ATP2B1: variants seen among roughly 807,000 people sequenced by gnomAD.
ATP2B1 encodes ATPase plasma membrane Ca2+ transporting 1, also known as plasma membrane calcium-transporting ATPase 1.
In ATP2B1, 14 loss-of-function variants were observed where a neutral mutation model predicts 124.2. The ratio of observed to expected loss-of-function variants is 0.11; its 90% CI spans 0.07 to 0.18. The LOEUF (loss-of-function observed/expected upper bound fraction) is 0.18. Among genes scored for constraint, ATP2B1 ranks in the 10% least tolerant of loss-of-function variants. The pLI is 1.00. For synonymous variants in ATP2B1, 449 were observed against 492.4 expected (o/e 0.91, Z 1.17); for missense variants, 763 against 1,466.1 (o/e 0.52, Z 7.83).
intron 1 of ATP2B1, among the ~76,000 whole-genome samples, chr12:89,684,149 G>C (rs1370064211): frequency 6.6e-6 from 1 of 151,988 alleles, no homozygotes; most frequent in African/African-American, 2.4e-5. Context: ...TTTTGGAAAA[G>C]AAACACAGAA....
chr12:89,653,664 A>G (rs2136339680), intron 2 of ATP2B1, among the ~76,000 whole-genome samples: 1 of 152,322 alleles, frequency 6.6e-6, no homozygotes, highest in East Asian at 1.9e-4. Context: ...CATACTGTCA[A>G]AAGGGTACAT....
Position 89,621,741 on chromosome 12 carries a change from G to A in ATP2B1, c.1395C>T (p.Thr465=). The A allele has an allele frequency of 6.2e-7, 1 of 1,604,866 alleles. No individual in the cohort carries two copies. The highest frequency in any genetic ancestry group is 8.5e-7 in the Non-Finnish European group (1 of 1,175,616). ...AACAAATAGCTGTAGCATTTCCCAT[G>A]GTTTCACAAGCATCCAGATGCCTTA... is the stretch of plus-strand genomic sequence containing the variant. The part of the protein sequence containing the change: ...NLVRHLDACE[T]MGNATAICSD... Residue 465 remains threonine (T), a synonymous_variant, in exon 10 of 21, where the codon ACC becomes ACT. Coordinates refer to ENST00000428670, the MANE Select transcript of ATP2B1 (RefSeq NM_001366521.1).
chr12:89,708,880 C>G (rs1312852575), upstream of ATP2B1: 1 of 152,100 alleles, frequency 6.6e-6, no homozygotes, highest in East Asian at 1.9e-4. Context: ...AGGCGGCGCC[C>G]GGCCGTCCCC....
chr12:89,607,599 A>C (rs2135975781), intron 15 of ATP2B1, among the ~76,000 whole-genome samples: 1 of 152,364 alleles, frequency 6.6e-6, no homozygotes, highest in South Asian at 2.1e-4. Context: ...CTTAGGTTTT[A>C]CTACCATAGA....
At position 89,603,981 on chromosome 12, in the gene ATP2B1, T is replaced by C. The variant is rs1876366830; in HGVS notation, c.2635-56A>G. 6.4e-7 allele frequency: 1 copy of C among 1,556,070 alleles called. No homozygotes were observed. Among genetic ancestry groups the C allele is most frequent in the Non-Finnish European group, 8.7e-7 (1 of 1,142,958 alleles). ...CACAACTACTCAGGGGCTCAGCAAT[T>C]CTCAGGAAACCTTTAGGGTTTAAAA... On this transcript the variant is annotated intron_variant, in intron 16 of 20. Coordinates refer to ENST00000428670, the MANE Select transcript of ATP2B1 (RefSeq NM_001366521.1). This position sits in a 1 kb window ranked among gnomAD's most constrained non-coding sequence, Gnocchi z 4.3.
chr12:89,624,367 A>G lies in ATP2B1; in HGVS notation c.1160T>C (p.Ile387Thr). ...GTCAATGACAAAATATAATACTAGA[A>G]TGATAACTGTGATGGCAGACATCAA... is the stretch of plus-strand genomic sequence containing the variant. ...GLLMSAITVIILVLYFVIDTF... is the reference protein window; with the variant it reads ...GLLMSAITVITLVLYFVIDTF... The change falls in exon 9 of 21, where the codon ATT (isoleucine) becomes ACT (threonine). Residue 387 changes from isoleucine (I) to threonine (T), a missense_variant. By Grantham distance (89) the Ile-to-Thr change is moderately conservative. Transcript: ENST00000428670. 6.2e-7 allele frequency: 1 copy of G among 1,614,024 alleles called. No homozygotes were observed. Among genetic ancestry groups the G allele is most frequent in the East Asian group, 2.2e-5 (1 of 44,874 alleles).
At chr12:89,703,276 T>C (rs1333592490) in intron 1 of ATP2B1, among the ~76,000 whole-genome samples, 3 of 152,178 alleles carry the variant, frequency 2.0e-5, no homozygotes, top group Non-Finnish European at 4.4e-5. Context: ...TTAGATAAAA[T>C]AGTTCCAAAA....
intron 1 of ATP2B1, among the ~76,000 whole-genome samples, chr12:89,698,439 T>C (rs970304936): frequency 4.6e-5 from 7 of 152,070 alleles, no homozygotes; most frequent in Non-Finnish European, 7.4e-5. Flanking sequence ...AATTATTCTA[T>C]AGCGACAGAA....
intron 2 of ATP2B1, among the ~76,000 whole-genome samples, chr12:89,651,740 A>T (rs1885281094): frequency 6.6e-6 from 1 of 152,118 alleles, no homozygotes; most frequent in Non-Finnish European, 1.5e-5. Flanking sequence ...TGTGAACTGA[A>T]CTTTTGTAAC....
At chr12:89,686,817 A>G (rs1890020999) in intron 1 of ATP2B1, among the ~76,000 whole-genome samples, 1 of 152,112 alleles carries the variant, frequency 6.6e-6, no homozygotes, top group Admixed American at 6.6e-5. Context: ...AGTGACAATA[A>G]GTGTTATTAC....
At chr12:89,695,058 C>CAAAAAA (rs544087541) in intron 1 of ATP2B1, among the ~76,000 whole-genome samples, 18,480 of 110,940 alleles carry the variant, frequency 0.17, 2,010 homozygotes, top group Middle Eastern at 0.25. Context: ...GATGCTGTTT[C>CAAAAAA]AAAAAAAAAA....
chr12:89,632,648 T>C (rs910230358), intron 5 of ATP2B1, among the ~76,000 whole-genome samples: 4 of 152,098 alleles, frequency 2.6e-5, no homozygotes, highest in African/African-American at 9.7e-5. Flanking sequence ...CTTTTAAAAA[T>C]CTAAACTTAA....
chr12:89,637,531 TAGACCACA>T (rs1882890783), intron 3 of ATP2B1, among the ~76,000 whole-genome samples: 2 of 151,864 alleles, frequency 1.3e-5, no homozygotes, highest in African/African-American at 4.8e-5. Context: ...CCAAGTAGCT[TAGACCACA>T]AGGCGCATGC....
chr12:89,599,518 A>G (rs1875372048), intron 19 of ATP2B1, among the ~76,000 whole-genome samples: 1 of 152,272 alleles, frequency 6.6e-6, no homozygotes, highest in South Asian at 2.1e-4. Context: ...AGTTTTCCTA[A>G]ATGGAAATTA....
Position 89,627,930 on chromosome 12 carries a change from A to G in ATP2B1, c.929-214T>C, listed in dbSNP as rs184312566. On this transcript the variant is annotated intron_variant, in intron 6 of 20. Transcript: ENST00000428670. ...TACCGCAAAATAATTTAGGGTGTCT[A>G]TATTTGTTTTATTTTTCCATAGGAC... is the stretch of plus-strand genomic sequence containing the variant. 4.2e-4 allele frequency among the ~76,000 whole-genome samples: 64 copies of G among 152,290 alleles called. 1 individual carries two copies. Among genetic ancestry groups the G allele is most frequent in the Admixed American group, 3.6e-3 (55 of 15,300 alleles).
At chr12:89,591,602 CACAAA>C (rs1407026287) in intron 20 of ATP2B1, among the ~76,000 whole-genome samples, 3 of 151,938 alleles carry the variant, frequency 2.0e-5, no homozygotes, top group East Asian at 1.9e-4. Flanking sequence ...ACAAATCAAA[CACAAA>C]ACAAAACAAA....
At chr12:89,641,585 C>T (rs374818791) in intron 3 of ATP2B1, among the ~76,000 whole-genome samples, 6 of 152,080 alleles carry the variant, frequency 3.9e-5, no homozygotes, top group East Asian at 3.8e-4. Context: ...AATTTTTCCA[C>T]TTGTGGCATC....
At chr12:89,599,358 A>G (rs1190466782) in intron 19 of ATP2B1, 59 bp from the exon 20 acceptor site, 1 of 1,551,844 alleles carries the variant, frequency 6.4e-7, no homozygotes, top group Non-Finnish European at 8.8e-7. Context: ...TAAGCTGATC[A>G]ACTGTAATAC....
At chr12:89,610,315 G>T in intron 14 of ATP2B1, 106 bp downstream of exon 14, 1 of 981,236 alleles carries the variant, frequency 1.0e-6, no homozygotes, top group Non-Finnish European at 1.6e-6. Flanking sequence ...TATTAAAACA[G>T]ATGATATCCA....
Sources: gnomAD v4.1 joint callset for allele counts (sites outside exome capture counted in the v4.1 genomes callset) on GRCh38, gnomAD v4.1.1 for gene constraint, Gnocchi (gnomAD v3.1) non-coding constraint, MANE v1.5 for transcripts, NCBI Gene and HGNC (gene_info 2026-07-23, HGNC 2026-07-21) for gene names.